Variants in SEC11A observed in about 807,000 individuals in gnomAD.
SEC11A encodes the protein signal peptidase complex catalytic subunit SEC11A.
A neutral mutation model predicts 25.6 loss-of-function variants in SEC11A; 14 were observed. The observed-to-expected ratio is 0.55, with a 90% CI of 0.36 to 0.85. The LOEUF is 0.85. Ranked by LOEUF, SEC11A falls within the 40% of genes least tolerant of loss-of-function variation. The pLI is 0.01. For synonymous variants in SEC11A, 83 were observed against 76.4 expected, an observed-to-expected ratio of 1.09 and a Z score of -0.45; for missense variants, 153 against 222.9, an observed-to-expected ratio of 0.69 and a Z score of 2.00.
chr15:84,683,384 AAAACAAAC>A (rs57035460), intron 3 of SEC11A, among the ~76,000 whole-genome samples: 3,808 of 150,732 alleles, frequency 0.025, 93 homozygotes, highest in African/African-American at 0.059. Context: ...ATTTGCTGGC[AAAACAAAC>A]AAACAAACAA....
chr15:84,679,251 A>G lies in SEC11A; in HGVS notation c.431+1462T>C, dbSNP rs186059902. On this transcript the variant is annotated intron_variant, in intron 4 of 5. Coordinates refer to ENST00000268220, the MANE Select transcript of SEC11A (RefSeq NM_014300.4). Reference sequence around the variant, plus strand: ...ATTAGCAGCATCTTGGGAACTGAGGAAGATGGGGACTAGTATTTCTCAGAA... The same window carrying G: ...ATTAGCAGCATCTTGGGAACTGAGGGAGATGGGGACTAGTATTTCTCAGAA... The G allele has an allele frequency of 7.1e-6, 9 of 1,261,856 alleles. No homozygotes were observed. The Admixed American group carries it at 1.4e-4, about 19-fold the overall frequency. 78.2% of individuals were successfully genotyped at this position (1,261,856 alleles called of 1,614,324 possible).
At chr15:84,712,963 T>C (rs1898330283) in intron 1 of SEC11A, among the ~76,000 whole-genome samples, 1 of 152,000 alleles carries the variant, frequency 6.6e-6, no homozygotes, top group Non-Finnish European at 1.5e-5. Context: ...TCCTAGCATT[T>C]TGGAAGGCCG....
intron 5 of SEC11A, 145 bp downstream of exon 5, chr15:84,670,578 CTA>C (rs2141862426): frequency 2.2e-6 from 1 of 455,326 alleles, no homozygotes; most frequent in African/African-American, 2.1e-5. Flanking sequence ...CGGGGTTTCG[CTA>C]TGTTGCCCAG....
intron 4 of SEC11A, among the ~76,000 whole-genome samples, chr15:84,674,930 G>C (rs1463909627): frequency 6.6e-6 from 1 of 152,116 alleles, no homozygotes; most frequent in Non-Finnish European, 1.5e-5. Context: ...TGGTCTTTAG[G>C]AGTAATATAA....
At chr15:84,680,672 A>G in intron 4 of SEC11A, 41 bp downstream of exon 4, 1 of 1,550,750 alleles carries the variant, frequency 6.4e-7, no homozygotes, top group Non-Finnish European at 8.7e-7. Flanking sequence ...GCCACACTTC[A>G]AGTGATATAA....
intron 1 of SEC11A, among the ~76,000 whole-genome samples, chr15:84,713,977 A>T (rs1408879786): frequency 6.6e-6 from 1 of 151,322 alleles, no homozygotes; most frequent in Non-Finnish European, 1.5e-5. Flanking sequence ...CAGGCTTTAA[A>T]GTAAGACCTG....
At chr15:84,697,930 C>T (rs1163941034) in intron 1 of SEC11A, among the ~76,000 whole-genome samples, 2 of 150,926 alleles carry the variant, frequency 1.3e-5, no homozygotes, top group Middle Eastern at 3.2e-3. Context: ...CAAGGTGAAA[C>T]TAGAAAAGAA....
intron 1 of SEC11A, among the ~76,000 whole-genome samples, chr15:84,715,261 T>G (rs765760262): frequency 2.6e-5 from 4 of 151,832 alleles, no homozygotes; most frequent in Non-Finnish European, 4.4e-5. Context: ...ACAGACACAC[T>G]AGGCGCAAAA....
chr15:84,715,800 A>C (rs541758773), intron 1 of SEC11A, among the ~76,000 whole-genome samples: 15 of 152,290 alleles, frequency 9.8e-5, no homozygotes, highest in African/African-American at 3.4e-4. Flanking sequence ...GAACGTGAAG[A>C]CACCGCTTCC....
rs555564613 is a variant in SEC11A at position 84,702,075 on chromosome 15, G to GATAATA, written c.52-10437_52-10432dup. Among the ~76,000 whole-genome samples, 54 of 150,162 alleles carry GATAATA rather than the reference G, an allele frequency of 3.6e-4. 1 individual carries two copies. In the South Asian group the frequency reaches 0.01, roughly 28 times the overall value. On this transcript the variant is annotated intron_variant, in intron 1 of 5. Coordinates refer to ENST00000268220, the MANE Select transcript of SEC11A (RefSeq NM_014300.4). The stretch of plus-strand genomic sequence containing the variant: ...AGCGAGAGTCTGTCTCAATAACAAT[G>GATAATA]ATAATAATAATAATAATAATAGGGA...
At chr15:84,688,438 C>T (rs911443453) in intron 2 of SEC11A, among the ~76,000 whole-genome samples, 11 of 152,312 alleles carry the variant, frequency 7.2e-5, no homozygotes, top group Middle Eastern at 3.4e-3. Context: ...AGAGTATCTT[C>T]TTACCTCTTA....
chr15:84,708,457 C>A (rs1026180688), intron 1 of SEC11A, among the ~76,000 whole-genome samples: 3 of 151,948 alleles, frequency 2.0e-5, no homozygotes, highest in Non-Finnish European at 4.4e-5. Flanking sequence ...GTTGGATACA[C>A]CTCCTATTTG....
chr15:84,694,030 T>A (rs1567040035), intron 1 of SEC11A, among the ~76,000 whole-genome samples: 1 of 152,116 alleles, frequency 6.6e-6, no homozygotes, highest in Admixed American at 6.6e-5. Flanking sequence ...TTTTTTCAAT[T>A]TTTTCTGAAA....
At chr15:84,713,555 G>A (rs1302359174) in intron 1 of SEC11A, among the ~76,000 whole-genome samples, 2 of 152,068 alleles carry the variant, frequency 1.3e-5, no homozygotes, top group African/African-American at 4.8e-5. Context: ...GGGAGGCCAG[G>A]GAGGATAATT....
At chr15:84,684,458 C>T (rs1016591421) in intron 3 of SEC11A, among the ~76,000 whole-genome samples, 1 of 152,056 alleles carries the variant, frequency 6.6e-6, no homozygotes, top group African/African-American at 2.4e-5. Flanking sequence ...GTGAGGCCTC[C>T]CCAGCCATGT....
At chr15:84,704,363 T>C (rs556392763) in intron 1 of SEC11A, among the ~76,000 whole-genome samples, 1 of 152,320 alleles carries the variant, frequency 6.6e-6, no homozygotes, top group African/African-American at 2.4e-5. Flanking sequence ...ATGTCCCTCA[T>C]CACCTTGAAG....
chr15:84,694,815 A>C (rs1017530116), intron 1 of SEC11A, among the ~76,000 whole-genome samples: 15 of 151,888 alleles, frequency 9.9e-5, no homozygotes, highest in African/African-American at 3.4e-4. Flanking sequence ...AAAAAGGCCG[A>C]GTGCAGTGGC....
At chr15:84,688,294 G>C (rs1386309749) in intron 2 of SEC11A, among the ~76,000 whole-genome samples, 1 of 152,136 alleles carries the variant, frequency 6.6e-6, no homozygotes, top group Non-Finnish European at 1.5e-5. Context: ...CAGAGATAAA[G>C]CTTGTGTTAT....
At chr15:84,685,241 A>C (rs1296892555) in intron 3 of SEC11A, among the ~76,000 whole-genome samples, 1 of 152,054 alleles carries the variant, frequency 6.6e-6, no homozygotes, top group Non-Finnish European at 1.5e-5. Flanking sequence ...TCTATGACTC[A>C]TTCAATTTCT....
Sources: gnomAD v4.1 joint callset for allele counts (sites outside exome capture counted in the v4.1 genomes callset) on GRCh38, gnomAD v4.1.1 for gene constraint, MANE v1.5 for transcripts, NCBI Gene and HGNC (gene_info 2026-07-23, HGNC 2026-07-21) for gene names.